DLGAP4: variants seen among roughly 807,000 people sequenced by gnomAD.
DLGAP4 encodes disks large-associated protein 4.
In DLGAP4, 18 loss-of-function variants were observed where a neutral mutation model predicts 86.9. The observed-to-expected ratio is 0.21, with a 90% CI of 0.14 to 0.31. The LOEUF (loss-of-function observed/expected upper bound fraction) is 0.31. Ranked by LOEUF, DLGAP4 falls within the 10% of genes least tolerant of loss-of-function variation. DLGAP4 has a pLI of 1.00. For synonymous variants in DLGAP4, 548 were observed against 574.3 expected, an observed-to-expected ratio of 0.95 and a Z score of 0.65; for missense variants, 1,085 against 1,362.6, an observed-to-expected ratio of 0.80 and a Z score of 3.21.
intron 2 of DLGAP4, among the ~76,000 whole-genome samples, chr20:36,420,173 T>C (rs1456348138): frequency 6.6e-6 from 1 of 152,204 alleles, no homozygotes; most frequent in Non-Finnish European, 1.5e-5. Flanking sequence ...CACCACTCTT[T>C]CATTCAACAC....
intron 2 of DLGAP4, among the ~76,000 whole-genome samples, chr20:36,376,205 T>C (rs1176660604): frequency 6.6e-6 from 1 of 150,642 alleles, no homozygotes; most frequent in Non-Finnish European, 1.5e-5. Flanking sequence ...AGGCCAGGTG[T>C]GGTGGCTCAT....
chr20:36,368,962 C>T (rs2030806890), intron 2 of DLGAP4, among the ~76,000 whole-genome samples: 1 of 152,214 alleles, frequency 6.6e-6, no homozygotes, highest in Admixed American at 6.5e-5. Flanking sequence ...CCACCTCCAC[C>T]CTCCGGGCCA....
intron 2 of DLGAP4, among the ~76,000 whole-genome samples, chr20:36,376,621 G>T (rs533661156): frequency 6.6e-6 from 1 of 152,260 alleles, no homozygotes; most frequent in African/African-American, 2.4e-5. Context: ...CTGCTCAAGG[G>T]GAGAGAGAGA....
intron 7 of DLGAP4, chr20:36,465,452 C>G (rs888555975): frequency 2.6e-5 from 4 of 152,346 alleles, no homozygotes; most frequent in African/African-American, 4.8e-5. Flanking sequence ...AACTTGTAGC[C>G]CAGGCCTCTT....
intron 2 of DLGAP4, among the ~76,000 whole-genome samples, chr20:36,397,221 G>A (rs1365776061): frequency 6.6e-6 from 1 of 152,200 alleles, no homozygotes; most frequent in Non-Finnish European, 1.5e-5. Flanking sequence ...CTGAGAGCTT[G>A]TTAGAAAATG....
At position 36,308,595 on chromosome 20, in the gene DLGAP4, C is replaced by CG. The variant is rs2065026453; in HGVS notation, c.-304+2084dup. ...CTTTGGAGCTTTCGGGAGACGCTGA[C>CG]GTATCGGATGTATCGGGGCACCCAC... On this transcript the variant is annotated intron_variant, in intron 1 of 12. Coordinates refer to ENST00000339266, the MANE Select transcript of DLGAP4 (RefSeq NM_001365621.2). The surrounding 1 kb of genome is among the most constrained non-coding windows in gnomAD (Gnocchi z 4.5). 6.6e-6 allele frequency among the ~76,000 whole-genome samples: 1 copy of CG among 152,148 alleles called. No individual in the cohort carries two copies. Among genetic ancestry groups the CG allele is most frequent in the African/African-American group, 2.4e-5 (1 of 41,434 alleles).
intron 2 of DLGAP4, among the ~76,000 whole-genome samples, chr20:36,406,329 C>T (rs1410992444): frequency 1.4e-5 from 2 of 145,120 alleles, no homozygotes; most frequent in East Asian, 4.1e-4. Flanking sequence ...ACCTGGGAGG[C>T]GGAGCTTGCA....
At chr20:36,359,673 T>A (rs782270128) in intron 1 of DLGAP4, among the ~76,000 whole-genome samples, 6 of 152,204 alleles carry the variant, frequency 3.9e-5, no homozygotes, top group Non-Finnish European at 8.8e-5. Flanking sequence ...GGTAAAGGGC[T>A]TCCCAGTTGG....
chr20:36,454,484 G>T (rs761464906), intron 7 of DLGAP4, among the ~76,000 whole-genome samples: 10 of 151,676 alleles, frequency 6.6e-5, no homozygotes, highest in Non-Finnish European at 1.5e-4. Context: ...CATATATGGC[G>T]AGCCTGCCCA....
In DLGAP4 at chr20:36,527,823, CCTT is replaced by C. The variant is rs2037861774; in HGVS notation, c.*797_*799del. 6.6e-6 allele frequency: 1 copy of C among 152,668 alleles called. No homozygotes were observed. Among genetic ancestry groups the C allele is most frequent in the African/African-American group, 2.4e-5 (1 of 41,422 alleles). The allele number at this position is 152,668 out of a possible 1,614,324, so 9.5% of individuals were successfully genotyped here. A position where few individuals can be genotyped will look rare whatever the true frequency, so the allele number is the denominator to read the frequency against. ...TCCTGCCCTTTTATTTTCTCCAGCC[CCTT>C]CTTCCTTCAGCAAAATCTAGGACTC... is the stretch of plus-strand genomic sequence containing the variant. On this transcript the variant is annotated 3_prime_UTR_variant, in exon 13 of 13. Transcript: ENST00000339266.
At chr20:36,519,746 A>C (rs1036451248) in intron 10 of DLGAP4, among the ~76,000 whole-genome samples, 1 of 152,152 alleles carries the variant, frequency 6.6e-6, no homozygotes, top group African/African-American at 2.4e-5. Context: ...ACATCTTTGC[A>C]ACACTTGCTT....
At chr20:36,394,789 T>C (rs552634828) in intron 2 of DLGAP4, among the ~76,000 whole-genome samples, 3 of 152,052 alleles carry the variant, frequency 2.0e-5, no homozygotes, top group Non-Finnish European at 4.4e-5. Flanking sequence ...CAGGGGCCTC[T>C]CCCTAAGACA....
intron 10 of DLGAP4, among the ~76,000 whole-genome samples, chr20:36,503,998 C>G (rs2036256599): frequency 1.3e-5 from 2 of 152,144 alleles, no homozygotes; most frequent in Non-Finnish European, 2.9e-5. Flanking sequence ...CTAGAATATT[C>G]ATGTACAAGT....
chr20:36,481,626 A>T (rs1600619818), intron 7 of DLGAP4, among the ~76,000 whole-genome samples: 1 of 152,182 alleles, frequency 6.6e-6, no homozygotes, highest in South Asian at 2.1e-4. Context: ...TTTCTTGAGG[A>T]CAAGGACTAC....
intron 1 of DLGAP4, among the ~76,000 whole-genome samples, chr20:36,357,457 A>G (rs1296011574): frequency 6.6e-6 from 1 of 152,186 alleles, no homozygotes; most frequent in Non-Finnish European, 1.5e-5. Context: ...GGTTTGCAAT[A>G]CAATATTTCT....
intron 2 of DLGAP4, among the ~76,000 whole-genome samples, chr20:36,380,142 C>T (rs2031318423): frequency 1.3e-5 from 2 of 151,442 alleles, no homozygotes; most frequent in East Asian, 3.9e-4. Context: ...GTGATCATGC[C>T]ACTGCATTCC....
Position 36,412,171 on chromosome 20 carries a change from T to A in DLGAP4, c.-72-19475T>A, listed in dbSNP as rs146493478. On this transcript the variant is annotated intron_variant, in intron 2 of 12. Transcript: ENST00000339266. ...GCTGGCAATTGCTGCATTCTGACCA[T>A]TTTGTTCTGCTGTTTGCCAGCATGA... is the stretch of plus-strand genomic sequence containing the variant. 2.0e-3 allele frequency among the ~76,000 whole-genome samples: 298 copies of A among 152,370 alleles called. 2 individuals are homozygous for A. Among genetic ancestry groups the A allele is most frequent in the East Asian group, 0.011 (56 of 5,192 alleles).
chr20:36,456,741 G>T (rs1170434713), intron 7 of DLGAP4, among the ~76,000 whole-genome samples: 1 of 152,192 alleles, frequency 6.6e-6, no homozygotes, highest in Non-Finnish European at 1.5e-5. Context: ...TCAGCCTTCT[G>T]GGGGAAATAG....
intron 1 of DLGAP4, among the ~76,000 whole-genome samples, chr20:36,354,243 G>C (rs1312073447): frequency 1.3e-5 from 2 of 152,084 alleles, no homozygotes; most frequent in African/African-American, 4.8e-5. Flanking sequence ...TCCTGATTGA[G>C]CCCAGGAGTT....
Sources: gnomAD v4.1 joint callset for allele counts (sites outside exome capture counted in the v4.1 genomes callset) on GRCh38, gnomAD v4.1.1 for gene constraint, Gnocchi (gnomAD v3.1) non-coding constraint, MANE v1.5 for transcripts, NCBI Gene and HGNC (gene_info 2026-07-23, HGNC 2026-07-21) for gene names.